SPON2: variants seen among roughly 807,000 people sequenced by gnomAD.
SPON2 encodes spondin 2, also known as spondin-2.
SPON2 carries 32 observed loss-of-function variants against 29.9 expected under a neutral mutation model. That is an observed-to-expected ratio of 1.07 (90% CI 0.81 to 1.44). The LOEUF (loss-of-function observed/expected upper bound fraction) is 1.44, where lower values mean the gene tolerates loss of function less well. SPON2 is among the 40% of genes most tolerant of loss of function. SPON2 has a pLI of 0.00. For synonymous variants in SPON2, 248 were observed against 209.1 expected (o/e 1.19, Z -1.61); for missense variants, 541 against 455.5 (o/e 1.19, Z -1.71).
Position 1,202,419 on chromosome 4 carries a change from C to T in SPON2, c.-234+5461G>A, listed in dbSNP as rs1343725910. On this transcript the variant is annotated intron_variant, in intron 1 of 3. Transcript: ENST00000509233. The surrounding 1 kb of genome is among the most constrained non-coding windows in gnomAD (Gnocchi z 5.4). ...TCCAACCACGGCACTGCACGCCAGG[C>T]CCAGTACTCACCGCTCTCACATACA... 6.6e-6 allele frequency among the ~76,000 whole-genome samples: 1 copy of T among 152,222 alleles called. No individual in the cohort carries two copies. Among genetic ancestry groups the T allele is most frequent in the African/African-American group, 2.4e-5 (1 of 41,448 alleles).
chr4:1,205,288 T>C (rs60714064), intron 1 of SPON2, among the ~76,000 whole-genome samples: 284 of 152,290 alleles, frequency 1.9e-3, no homozygotes, highest in African/African-American at 6.6e-3. Context: ...CCGGAGCTCC[T>C]GGACACAGGA....
intron 5 of SPON2, 171 bp from the exon 6 acceptor site, chr4:1,167,827 C>A: frequency 6.6e-6 from 4 of 606,518 alleles, no homozygotes. Context: ...TGGGATGGCA[C>A]CATAGCAACC....
Position 1,172,094 on chromosome 4 carries a change from C to G in SPON2, c.-3-20G>C, listed in dbSNP as rs1727479527. The G allele has an allele frequency of 6.2e-7, 1 of 1,601,230 alleles. No homozygotes were observed. The highest frequency in any genetic ancestry group is 1.7e-5 in the Admixed American group (1 of 59,612). On this transcript the variant is annotated intron_variant, in intron 1 of 5. Coordinates refer to ENST00000290902, the MANE Select transcript of SPON2 (RefSeq NM_012445.4). ...CATCACCTGGGAGCACAGAGGGGAG[C>G]AGCCGCGCGCTGGCACCGTCGTGGC...
Position 1,201,357 on chromosome 4 carries a change from G to T in SPON2, c.-234+6523C>A, listed in dbSNP as rs1020920506. 8.8e-6 allele frequency: 3 copies of T among 340,996 alleles called. No homozygotes were observed. The Admixed American group carries it at 1.1e-4, about 13-fold the overall frequency. 21.1% of individuals were successfully genotyped at this position (340,996 alleles called of 1,614,324 possible). On this transcript the variant is annotated intron_variant, in intron 1 of 3. Coordinates refer to the SPON2 transcript ENST00000509233. ...GCTCGCTTCCCTGAAGAGGCTGTGG[G>T]TTTCTCCAGGCCAGGCCTGTGGTCA...
intron 1 of SPON2, chr4:1,172,328 C>T (rs866245411): frequency 1.8e-6 from 1 of 569,554 alleles, no homozygotes. Context: ...GTCCCTGCAG[C>T]TTGCCGGGCC....
chr4:1,200,626 G>A, intron 1 of SPON2: 1 of 356,168 alleles, frequency 2.8e-6, no homozygotes, highest in African/African-American at 2.1e-5. Flanking sequence ...TTCCCCATCA[G>A]CACCGGCCCC....
intron 2 of SPON2, 170 bp from the exon 3 acceptor site, chr4:1,171,656 C>T (rs1161651754): frequency 7.4e-6 from 6 of 805,512 alleles, no homozygotes; most frequent in East Asian, 2.7e-5. Context: ...CCACCTGCGC[C>T]CTCCCCGTGA....
At chr4:1,179,223 T>C (rs1727663060) in intron 2 of SPON2, among the ~76,000 whole-genome samples, 1 of 101,324 alleles carries the variant, frequency 9.9e-6, no homozygotes, top group African/African-American at 2.7e-5. Flanking sequence ...CATGCCAGGC[T>C]CACGGGAGGG....
At chr4:1,170,776 A>T in intron 4 of SPON2, 200 bp from the exon 5 acceptor site, 1 of 938,896 alleles carries the variant, frequency 1.1e-6, no homozygotes, top group Non-Finnish European at 1.7e-6. Context: ...CCTCCTCGGG[A>T]CGCGCGTCCC....
chr4:1,171,789 CG>C (rs1161065063), intron 2 of SPON2, 62 bp downstream of exon 2: 7 of 1,107,894 alleles, frequency 6.3e-6, no homozygotes, highest in Middle Eastern at 2.1e-4. Flanking sequence ...TGCAGCTGTG[CG>C]GGGGGCTCCG....
chr4:1,207,226 G>C (rs1056394891), intron 1 of SPON2, among the ~76,000 whole-genome samples: 5 of 152,160 alleles, frequency 3.3e-5, no homozygotes, highest in African/African-American at 1.2e-4. Flanking sequence ...ACTGCACAGA[G>C]GGGGTGGAGG....
intron 1 of SPON2, among the ~76,000 whole-genome samples, chr4:1,187,766 T>G (rs1179586540): frequency 6.6e-6 from 1 of 152,206 alleles, no homozygotes; most frequent in East Asian, 1.9e-4. Context: ...ACACATCATT[T>G]GACTACCAGC....
upstream of SPON2, among the ~76,000 whole-genome samples, chr4:1,195,959 G>T (rs1180013048): frequency 6.6e-6 from 1 of 152,202 alleles, no homozygotes; most frequent in Admixed American, 6.5e-5. Flanking sequence ...TGGTGACTTC[G>T]CCTTTGCTGT....
chr4:1,189,988 TCA>T (rs145270583), intron 1 of SPON2, among the ~76,000 whole-genome samples: 70,273 of 113,526 alleles, frequency 0.62, 17,405 homozygotes, highest in Non-Finnish European at 0.66. Flanking sequence ...AGACTCCATC[TCA>T]AAAAAAAAAA....
chr4:1,191,324 T>G (rs954588217), intron 1 of SPON2, among the ~76,000 whole-genome samples: 1 of 152,132 alleles, frequency 6.6e-6, no homozygotes, highest in African/African-American at 2.4e-5. Context: ...TATGGTGAAC[T>G]GGTTTCAACA....
At chr4:1,176,676 TCAATCATCCATTCACACAGTACATTCATG>T (rs1727606476), upstream of SPON2, among the ~76,000 whole-genome samples, 5 of 151,928 alleles carry the variant, frequency 3.3e-5, no homozygotes, top group African/African-American at 1.2e-4. Context: ...GTACATTCAT[TCAATCATCCATTCACACAGTACATTCATG>T]CAATCATCCA....
Position 1,170,424 on chromosome 4 carries a change from A to T in SPON2, c.789T>A (p.Asn263Lys). ...TACCTGAGGCGCTGTCTACAATCTC[A>T]TTGTCCCTGCTGGGCAGGACTGGGG... ...PPAPVLPSRD[N>K]EIVDSASVPE... Residue 263 changes from asparagine to lysine, a missense_variant, in exon 5 of 6, where the codon AAT (asparagine) becomes AAA (lysine). Asn to Lys is a moderately conservative substitution (Grantham distance 94, BLOSUM62 0). Transcript: ENST00000290902. 1.2e-6 allele frequency: 2 copies of T among 1,612,834 alleles called. No individual in the cohort carries two copies. The highest frequency in any genetic ancestry group is 1.7e-6 in the Non-Finnish European group (2 of 1,179,362).
chr4:1,202,522 C>T lies in SPON2; in HGVS notation c.-234+5358G>A, dbSNP rs1297203196. Among the ~76,000 whole-genome samples, 1 of 152,188 alleles carries T rather than the reference C, an allele frequency of 6.6e-6. No individual in the cohort carries two copies. Among genetic ancestry groups the T allele is most frequent in the Non-Finnish European group, 1.5e-5 (1 of 68,026 alleles). On this transcript the variant is annotated intron_variant, in intron 1 of 3. Transcript: ENST00000509233. The surrounding 1 kb of genome is among the most constrained non-coding windows in gnomAD (Gnocchi z 5.4). Reference sequence around the variant, plus strand: ...ACAGGGGATGATCTTGGACTCCCTGCCCACCTTCCAGACACATGGGGGCAG... The same window carrying T: ...ACAGGGGATGATCTTGGACTCCCTGTCCACCTTCCAGACACATGGGGGCAG...
intron 1 of SPON2, among the ~76,000 whole-genome samples, chr4:1,189,885 A>G (rs1727877817): frequency 6.6e-6 from 1 of 150,444 alleles, no homozygotes. Flanking sequence ...GCTACCCACG[A>G]GGCTGAGGTA....
Sources: gnomAD v4.1 joint callset for allele counts (sites outside exome capture counted in the v4.1 genomes callset) on GRCh38, gnomAD v4.1.1 for gene constraint, Gnocchi (gnomAD v3.1) non-coding constraint, MANE v1.5 for transcripts, NCBI Gene and HGNC (gene_info 2026-07-23, HGNC 2026-07-21) for gene names.